Variants in WWOX observed in about 807,000 individuals in gnomAD.
WWOX encodes the protein WW domain containing oxidoreductase.
In WWOX, 69 loss-of-function variants were observed where a neutral mutation model predicts 46.2. The observed-to-expected ratio is 1.49, with a 90% CI of 1.23 to 1.82. The LOEUF (loss-of-function observed/expected upper bound fraction) is 1.82, where lower values mean the gene tolerates loss of function less well. Ranked by LOEUF, WWOX falls within the 40% of genes most tolerant of loss-of-function variation. WWOX has a pLI of 0.00. For synonymous variants in WWOX, 359 were observed against 202.6 expected (o/e 1.77, Z -6.56); for missense variants, 919 against 542.6 (o/e 1.69, Z -6.89).
intron 8 of WWOX, among the ~76,000 whole-genome samples, chr16:78,524,965 A>T (rs2043429031): frequency 6.7e-6 from 1 of 148,916 alleles, no homozygotes; most frequent in Admixed American, 6.7e-5. Flanking sequence ...TCCTGGGCTC[A>T]AGCAATCTTC....
chr16:78,656,195 T>C (rs1351276999), intron 8 of WWOX, among the ~76,000 whole-genome samples: 1 of 152,132 alleles, frequency 6.6e-6, no homozygotes, highest in Non-Finnish European at 1.5e-5. Context: ...GGTGGGTGTG[T>C]GTGAAAGGTA....
At chr16:78,110,333 C>T (rs1466905071) in intron 3 of WWOX, among the ~76,000 whole-genome samples, 1 of 122,764 alleles carries the variant, frequency 8.1e-6, no homozygotes, top group African/African-American at 3.2e-5. Flanking sequence ...GAATGAGACT[C>T]CTTCTCAAAA....
In WWOX at chr16:79,074,409, C is replaced by CTTTTTTTTTTTTTTTTTTTTTTTTT. The variant is rs60074156; in HGVS notation, c.1057-137190_1057-137166dup. On this transcript the variant is annotated intron_variant, in intron 8 of 8. Transcript: ENST00000566780. ...CATCCTGACTGAAATGTCACTAGTCCTTTTTTTTTTTTTTTTTTTTTTTTT... is the reference window on the plus strand; with the variant it reads ...CATCCTGACTGAAATGTCACTAGTCCTTTTTTTTTTTTTTTTTTTTTTTTTTTTTTTTTTTTTTTTTTTTTTTTTT... Among the ~76,000 whole-genome samples the CTTTTTTTTTTTTTTTTTTTTTTTTT allele has an allele frequency of 6.8e-4, 21 of 30,990 alleles. 1 individual carries two copies. Among genetic ancestry groups the CTTTTTTTTTTTTTTTTTTTTTTTTT allele is most frequent in the Non-Finnish European group, 7.7e-4 (14 of 18,138 alleles). The allele number at this position is 30,990 out of a possible 152,430, so 20.3% of individuals were successfully genotyped here.
chr16:79,057,775 A>C (rs77336070), intron 8 of WWOX, among the ~76,000 whole-genome samples: 8,680 of 151,942 alleles, frequency 0.057, 270 homozygotes, highest in African/African-American at 0.077. Flanking sequence ...AAAGACCCGG[A>C]CTCGAATCCC....
intron 8 of WWOX, among the ~76,000 whole-genome samples, chr16:79,008,801 G>T (rs756978946): frequency 9.2e-5 from 14 of 152,186 alleles, no homozygotes; most frequent in African/African-American, 3.1e-4. Flanking sequence ...TTGTCTTCCA[G>T]CCCCACAAAC....
intron 6 of WWOX, among the ~76,000 whole-genome samples, chr16:78,424,165 T>C (rs2083022114): frequency 6.8e-6 from 1 of 146,956 alleles, no homozygotes; most frequent in Non-Finnish European, 1.5e-5. Flanking sequence ...TTGGTCAGGC[T>C]GGAGTGCAGT....
At chr16:78,968,670 G>A (rs149116277) in intron 8 of WWOX, among the ~76,000 whole-genome samples, 22 of 152,284 alleles carry the variant, frequency 1.4e-4, no homozygotes, top group African/African-American at 2.9e-4. Flanking sequence ...GGCTGATATC[G>A]GGAGAGGCAG....
At chr16:78,547,933 C>T (rs2044080448) in intron 8 of WWOX, among the ~76,000 whole-genome samples, 2 of 152,030 alleles carry the variant, frequency 1.3e-5, no homozygotes, top group South Asian at 2.1e-4. Context: ...GGGCAGATCA[C>T]TTGAGGTCAG....
intron 8 of WWOX, among the ~76,000 whole-genome samples, chr16:78,800,247 CA>C (rs35201990): frequency 1.9e-4 from 28 of 146,398 alleles, no homozygotes; most frequent in South Asian, 2.2e-4. Context: ...TGTTCCATGG[CA>C]AAAAAAAAAA....
At chr16:79,113,624 G>A (rs372881568) in intron 8 of WWOX, among the ~76,000 whole-genome samples, 8 of 152,228 alleles carry the variant, frequency 5.3e-5, no homozygotes, top group East Asian at 1.9e-4. Flanking sequence ...ATAGCAGTTG[G>A]CTGGAGAAGG....
At chr16:78,818,158 G>T (rs535212363) in intron 8 of WWOX, among the ~76,000 whole-genome samples, 3 of 152,342 alleles carry the variant, frequency 2.0e-5, no homozygotes, top group African/African-American at 7.2e-5. Flanking sequence ...CCCCAGGAAG[G>T]ATGTGCCCTT....
intron 8 of WWOX, among the ~76,000 whole-genome samples, chr16:79,078,991 G>T (rs1006569504): frequency 6.6e-6 from 1 of 152,194 alleles, no homozygotes; most frequent in Non-Finnish European, 1.5e-5. Context: ...ATAGAAATCA[G>T]TAGAGATGCT....
intron 8 of WWOX, among the ~76,000 whole-genome samples, chr16:78,563,400 A>T (rs2044485278): frequency 6.6e-6 from 1 of 151,960 alleles, no homozygotes; most frequent in Admixed American, 6.6e-5. Context: ...CAGAACTGAC[A>T]GGTATTGAAG....
At chr16:78,848,956 G>T (rs1433645703) in intron 8 of WWOX, among the ~76,000 whole-genome samples, 1 of 152,128 alleles carries the variant, frequency 6.6e-6, no homozygotes, top group Non-Finnish European at 1.5e-5. Context: ...CTATTTAGGG[G>T]TAAAGGTGCT....
intron 8 of WWOX, among the ~76,000 whole-genome samples, chr16:78,918,297 A>C (rs1366406975): frequency 6.6e-6 from 1 of 152,202 alleles, no homozygotes; most frequent in South Asian, 2.1e-4. Context: ...TGATATTTGT[A>C]CTTCTAAGAG....
At chr16:78,670,876 T>A (rs2047446973) in intron 8 of WWOX, among the ~76,000 whole-genome samples, 1 of 151,918 alleles carries the variant, frequency 6.6e-6, no homozygotes, top group South Asian at 2.1e-4. Context: ...TCGTACTGGT[T>A]TAGGGTGGGC....
intron 8 of WWOX, among the ~76,000 whole-genome samples, chr16:78,915,821 C>T (rs768056811): frequency 1.1e-4 from 17 of 152,182 alleles, no homozygotes; most frequent in Non-Finnish European, 1.8e-4. Context: ...AAATCTTCTT[C>T]TTCCAATTTT....
chr16:78,940,510 T>C (rs966360381), intron 8 of WWOX, among the ~76,000 whole-genome samples: 1 of 152,128 alleles, frequency 6.6e-6, no homozygotes, highest in Admixed American at 6.5e-5. Context: ...GAAGTCACAT[T>C]TTTACATCAT....
intron 8 of WWOX, among the ~76,000 whole-genome samples, chr16:78,731,571 G>A (rs1049839992): frequency 4.6e-5 from 7 of 150,942 alleles, no homozygotes; most frequent in Admixed American, 3.3e-4. Flanking sequence ...TTATTTCCTC[G>A]TTTATTTGGG....
Sources: gnomAD v4.1 joint callset for allele counts (sites outside exome capture counted in the v4.1 genomes callset) on GRCh38, gnomAD v4.1.1 for gene constraint, MANE v1.5 for transcripts, NCBI Gene and HGNC (gene_info 2026-07-23, HGNC 2026-07-21) for gene names.